Variants in FAM53B observed in about 807,000 individuals in gnomAD.
FAM53B encodes protein FAM53B.
Under a neutral mutation model 32.7 loss-of-function variants are expected in FAM53B, and 12 were observed. That is an observed-to-expected ratio of 0.37 (90% CI 0.24 to 0.59). FAM53B has a LOEUF of 0.59. FAM53B is among the 20% of genes least tolerant of loss of function. FAM53B has a pLI of 0.72. For missense variants in FAM53B, 477 were observed against 577.7 expected, an observed-to-expected ratio of 0.83 and a Z score of 1.79; for synonymous variants, 234 against 228.7, an observed-to-expected ratio of 1.02 and a Z score of -0.21.
intron 1 of FAM53B, among the ~76,000 whole-genome samples, chr10:124,740,607 A>T (rs1449204396): frequency 6.6e-6 from 1 of 152,180 alleles, no homozygotes; most frequent in Non-Finnish European, 1.5e-5. Flanking sequence ...AATAAAGGTG[A>T]CTCAGCCATC....
In FAM53B at chr10:124,733,451, A is replaced by G. The variant is rs1302267136; in HGVS notation, c.-175+10562T>C. Among the ~76,000 whole-genome samples the G allele has an allele frequency of 6.6e-6, 1 of 152,170 alleles. No homozygotes were observed. Among genetic ancestry groups the G allele is most frequent in the Non-Finnish European group, 1.5e-5 (1 of 68,028 alleles). On this transcript the variant is annotated intron_variant, in intron 1 of 4. Transcript: ENST00000337318. The surrounding 1 kb of genome is among the most constrained non-coding windows in gnomAD (Gnocchi z 4.3). ...AGAACACTAGTGAGAACAGGCTATGACAGAGCCCAGGGGGCACCGAAGCTC... is the reference window on the plus strand; with the variant it reads ...AGAACACTAGTGAGAACAGGCTATGGCAGAGCCCAGGGGGCACCGAAGCTC...
chr10:124,635,717 T>C (rs1248508557), intron 4 of FAM53B, among the ~76,000 whole-genome samples: 1 of 151,918 alleles, frequency 6.6e-6, no homozygotes, highest in Non-Finnish European at 1.5e-5. Flanking sequence ...AGAAGACGGA[T>C]CTCCCATGCC....
chr10:124,662,101 C>T (rs1376813857), intron 4 of FAM53B, among the ~76,000 whole-genome samples: 4 of 152,214 alleles, frequency 2.6e-5, no homozygotes, highest in Non-Finnish European at 5.9e-5. Flanking sequence ...TGGGAGGGGC[C>T]TGGCACCCAG....
intron 4 of FAM53B, among the ~76,000 whole-genome samples, chr10:124,648,621 C>T (rs3781463): frequency 0.27 from 41,153 of 152,292 alleles, 6,519 homozygotes; most frequent in South Asian, 0.39. Context: ...CTCCACCATG[C>T]CCTCACAATG....
chr10:124,710,002 G>A (rs1949989779), intron 1 of FAM53B, among the ~76,000 whole-genome samples: 1 of 152,204 alleles, frequency 6.6e-6, no homozygotes, highest in Non-Finnish European at 1.5e-5. Context: ...TTAAAAAACA[G>A]GCAAGATTTC....
At chr10:124,626,395 C>CCT in intron 4 of FAM53B, among the ~76,000 whole-genome samples, 1 of 146,356 alleles carries the variant, frequency 6.8e-6, no homozygotes, top group Non-Finnish European at 1.5e-5. Flanking sequence ...TGTGCCCCCC[C>CCT]CCCCCCCACC....
chr10:124,678,468 G>A (rs1949750153), intron 4 of FAM53B, among the ~76,000 whole-genome samples: 1 of 152,218 alleles, frequency 6.6e-6, no homozygotes, highest in South Asian at 2.1e-4. Context: ...GACATGTCAG[G>A]CAATTTGCCT....
intron 1 of FAM53B, among the ~76,000 whole-genome samples, chr10:124,726,467 T>C (rs543564779): frequency 1.3e-5 from 2 of 152,172 alleles, no homozygotes; most frequent in Admixed American, 6.5e-5. Flanking sequence ...CCCTGACCAG[T>C]AGGTGAGAAA....
At chr10:124,692,255 C>T (rs1949837606) in intron 3 of FAM53B, among the ~76,000 whole-genome samples, 1 of 152,158 alleles carries the variant, frequency 6.6e-6, no homozygotes, top group East Asian at 1.9e-4. Flanking sequence ...CTCCCACCCA[C>T]GCTTCACGCT....
At chr10:124,716,646 G>A (rs1323907233) in intron 1 of FAM53B, among the ~76,000 whole-genome samples, 2 of 152,124 alleles carry the variant, frequency 1.3e-5, no homozygotes, top group African/African-American at 2.4e-5. Context: ...ACTGATGGAC[G>A]AGCTTCCTAT....
chr10:124,645,663 C>T (rs780197065), intron 4 of FAM53B, among the ~76,000 whole-genome samples: 7 of 152,326 alleles, frequency 4.6e-5, no homozygotes, highest in Non-Finnish European at 5.9e-5. Flanking sequence ...ACACTGTTGG[C>T]GGCTGTCTGG....
In FAM53B at chr10:124,619,538, C is replaced by G. The variant is rs1564857621; in HGVS notation, c.*3704G>C. The G allele has an allele frequency of 6.6e-6, 1 of 152,432 alleles. No individual in the cohort carries two copies. Among genetic ancestry groups the G allele is most frequent in the Non-Finnish European group, 1.5e-5 (1 of 68,086 alleles). 9.4% of individuals were successfully genotyped at this position (152,432 alleles called of 1,614,324 possible). ...AACAGCCTATGTGCTATCTGTCGCC[C>G]CAGCCCCCAGGACAGCTTCCCCACA... is the stretch of plus-strand genomic sequence containing the variant. On this transcript the variant is annotated 3_prime_UTR_variant, in exon 5 of 5. Transcript: ENST00000337318.
chr10:124,677,923 A>G (rs1296409986), intron 4 of FAM53B, among the ~76,000 whole-genome samples: 1 of 152,198 alleles, frequency 6.6e-6, no homozygotes, highest in African/African-American at 2.4e-5. Context: ...GGTGAATCCA[A>G]TTGTCACCAT....
chr10:124,731,554 T>C (rs190957005), intron 1 of FAM53B, among the ~76,000 whole-genome samples: 3 of 151,984 alleles, frequency 2.0e-5, no homozygotes, highest in Admixed American at 6.6e-5. Context: ...ATAAAGGAAA[T>C]TATTAAGACA....
At position 124,682,547 on chromosome 10, in the gene FAM53B, AGAG is replaced by A. The variant is rs1453296921; in HGVS notation, c.134-171_134-169del. ...TTACAGATGAGAAATTGAGGCTGAG[AGAG>A]GAGAAGTGAATCCCAAGGCTTTGAG... On this transcript the variant is annotated intron_variant, in intron 3 of 4. Coordinates refer to ENST00000337318, the MANE Select transcript of FAM53B (RefSeq NM_014661.4). This position sits in a 1 kb window ranked among gnomAD's most constrained non-coding sequence, Gnocchi z 5.2. 2.0e-5 allele frequency among the ~76,000 whole-genome samples: 3 copies of A among 152,214 alleles called. No individual in the cohort carries two copies. The highest frequency in any genetic ancestry group is 4.4e-5 in the Non-Finnish European group (3 of 68,038).
chr10:124,732,767 C>T (rs1352188628), intron 1 of FAM53B, among the ~76,000 whole-genome samples: 1 of 151,554 alleles, frequency 6.6e-6, no homozygotes, highest in Non-Finnish European at 1.5e-5. Context: ...GCTGAGGTTG[C>T]ACTGAGCAGA....
At chr10:124,699,873 T>G (rs1340368120) in intron 2 of FAM53B, among the ~76,000 whole-genome samples, 5 of 152,204 alleles carry the variant, frequency 3.3e-5, no homozygotes, top group African/African-American at 4.8e-5. Flanking sequence ...TCCTCCCAGC[T>G]GCTCCCACCC....
rs549029457 is a variant in FAM53B at position 124,708,415 on chromosome 10, T to G, written c.-174-1528A>C. Among the ~76,000 whole-genome samples the G allele has an allele frequency of 2.6e-5, 4 of 152,194 alleles. No individual in the cohort carries two copies. In the South Asian group the frequency reaches 8.3e-4, roughly 32 times the overall value. Reference sequence around the variant, plus strand: ...AAAGCAGGGAAGGGGAGGAGGGAAATCAATACATGTTCAGGAAGGGAGCCC... The same window carrying G: ...AAAGCAGGGAAGGGGAGGAGGGAAAGCAATACATGTTCAGGAAGGGAGCCC... On this transcript the variant is annotated intron_variant, in intron 1 of 4. Transcript: ENST00000337318.
intron 1 of FAM53B, among the ~76,000 whole-genome samples, chr10:124,720,745 T>A (rs1033918595): frequency 1.3e-5 from 2 of 152,098 alleles, no homozygotes; most frequent in African/African-American, 4.8e-5. Flanking sequence ...GCTGAAGACA[T>A]GAACATACAT....
Sources: gnomAD v4.1 joint callset for allele counts (sites outside exome capture counted in the v4.1 genomes callset) on GRCh38, gnomAD v4.1.1 for gene constraint, Gnocchi (gnomAD v3.1) non-coding constraint, MANE v1.5 for transcripts, NCBI Gene and HGNC (gene_info 2026-07-23, HGNC 2026-07-21) for gene names.